Variants in GALNT13 observed in about 807,000 individuals in gnomAD.
GALNT13 encodes the protein polypeptide N-acetylgalactosaminyltransferase 13.
In GALNT13, 28 loss-of-function variants were observed where a neutral mutation model predicts 64.2. That is an observed-to-expected ratio of 0.44 (90% confidence interval 0.32 to 0.60). The LOEUF (loss-of-function observed/expected upper bound fraction) is 0.60. Ranked by LOEUF, GALNT13 falls within the 20% of genes least tolerant of loss-of-function variation. The probability of loss-of-function intolerance (pLI) is 0.05; values close to 1 mark genes in which losing one functional copy is unlikely to be tolerated. For missense variants in GALNT13, 577 were observed against 669.8 expected (o/e 0.86, Z 1.53); for synonymous variants, 214 against 224.6 (o/e 0.95, Z 0.42).
the GALNT13 span, among the ~76,000 whole-genome samples, chr2:153,509,165 CA>C: frequency 1.3e-5 from 2 of 152,190 alleles, no homozygotes; most frequent in African/African-American, 4.8e-5. Context: ...GGGGAGAGGC[CA>C]GGCAGCGGGA....
At chr2:153,876,787 T>C (rs548347633) in intron 1 of GALNT13, among the ~76,000 whole-genome samples, 26 of 152,300 alleles carry the variant, frequency 1.7e-4, no homozygotes, top group African/African-American at 6.0e-4. Context: ...TCTTTAGACT[T>C]ATACATTTAA....
the GALNT13 span, among the ~76,000 whole-genome samples, chr2:153,648,556 G>A: frequency 6.6e-6 from 1 of 152,094 alleles, no homozygotes; most frequent in Admixed American, 6.6e-5. Context: ...TTTTCAAAGG[G>A]AATGCTTCCA....
intron 3 of GALNT13, among the ~76,000 whole-genome samples, chr2:153,948,543 G>C (rs1183640302): frequency 6.6e-6 from 1 of 152,028 alleles, no homozygotes; most frequent in Non-Finnish European, 1.5e-5. Flanking sequence ...CTATTATAAA[G>C]AGACATCCAT....
rs574530099 is a variant in GALNT13 at position 154,348,689 on chromosome 2, T to G, written c.1156+47100T>G. On this transcript the variant is annotated intron_variant, in intron 9 of 12. Transcript: ENST00000392825. ...GTGCATCCCAGCAGGGGAATCTATT[T>G]GAGGAAGTCCCAATGTCATTTTATA... is the stretch of plus-strand genomic sequence containing the variant. 7.9e-4 allele frequency among the ~76,000 whole-genome samples: 120 copies of G among 152,136 alleles called. 1 individual carries two copies. Among genetic ancestry groups the G allele is most frequent in the African/African-American group, 2.7e-3 (113 of 41,514 alleles).
the GALNT13 span, among the ~76,000 whole-genome samples, chr2:153,517,992 C>T: frequency 6.6e-6 from 1 of 152,060 alleles, no homozygotes; most frequent in Admixed American, 6.6e-5. Flanking sequence ...GAGCAGGACA[C>T]AACATGATTT....
At chr2:153,659,382 T>C in the GALNT13 span, among the ~76,000 whole-genome samples, 1 of 152,096 alleles carries the variant, frequency 6.6e-6, no homozygotes, top group Non-Finnish European at 1.5e-5. Flanking sequence ...TAAGACCTCA[T>C]CATGGTAGAT....
the GALNT13 span, among the ~76,000 whole-genome samples, chr2:153,561,886 A>G: frequency 6.6e-6 from 1 of 152,096 alleles, no homozygotes; most frequent in African/African-American, 2.4e-5. Flanking sequence ...ATTAATGTGT[A>G]TTTTAGCAAC....
the GALNT13 span, among the ~76,000 whole-genome samples, chr2:153,738,443 A>G: frequency 2.6e-5 from 4 of 152,092 alleles, no homozygotes; most frequent in East Asian, 5.8e-4. Flanking sequence ...AACTTCTGAA[A>G]TGTTGCCTCC....
chr2:153,318,121 A>ACT, the GALNT13 span, among the ~76,000 whole-genome samples: 1 of 19,672 alleles, frequency 5.1e-5, no homozygotes, highest in African/African-American at 1.8e-4. Flanking sequence ...GTATTAGGAG[A>ACT]GTTTTTTTTT....
chr2:154,062,122 T>G (rs1412769218), intron 3 of GALNT13, among the ~76,000 whole-genome samples: 2 of 152,194 alleles, frequency 1.3e-5, no homozygotes. Context: ...TTTCTCTCTT[T>G]GCCTAACAGT....
the GALNT13 span, among the ~76,000 whole-genome samples, chr2:153,485,085 TAG>T: frequency 3.9e-5 from 6 of 152,246 alleles, no homozygotes; most frequent in African/African-American, 1.4e-4. Flanking sequence ...GTTAGTATTG[TAG>T]TGGACAAATT....
intron 3 of GALNT13, among the ~76,000 whole-genome samples, chr2:153,956,249 C>CA (rs1256895503): frequency 1.3e-5 from 2 of 151,870 alleles, no homozygotes; most frequent in African/African-American, 4.8e-5. Flanking sequence ...AAGGAGCTGA[C>CA]AAAAAAACTA....
the GALNT13 span, among the ~76,000 whole-genome samples, chr2:153,446,309 C>A: frequency 5.3e-5 from 8 of 152,108 alleles, no homozygotes; most frequent in Non-Finnish European, 1.0e-4. Flanking sequence ...CATAGTCCAC[C>A]AAGCTTTGAA....
chr2:153,448,986 G>A, the GALNT13 span, among the ~76,000 whole-genome samples: 1 of 152,040 alleles, frequency 6.6e-6, no homozygotes, highest in Non-Finnish European at 1.5e-5. Flanking sequence ...TGCACTTTCT[G>A]TCTTTCTGTC....
chr2:154,319,715 T>A (rs1490024977), intron 9 of GALNT13, among the ~76,000 whole-genome samples: 4 of 151,630 alleles, frequency 2.6e-5, no homozygotes, highest in Non-Finnish European at 5.9e-5. Context: ...TTAACTGAAA[T>A]GTTGCTTTGA....
At chr2:153,413,467 G>A in the GALNT13 span, among the ~76,000 whole-genome samples, 5 of 152,154 alleles carry the variant, frequency 3.3e-5, no homozygotes, top group African/African-American at 4.8e-5. Context: ...GTCCTTAAGC[G>A]GCATACAACT....
Position 153,944,431 on chromosome 2 carries a change from G to C in GALNT13, c.-67G>C. The C allele has an allele frequency of 6.9e-7, 1 of 1,458,252 alleles. No individual in the cohort carries two copies. Among genetic ancestry groups the C allele is most frequent in the Non-Finnish European group, 9.5e-7 (1 of 1,057,750 alleles). 90.3% of individuals were successfully genotyped at this position (1,458,252 alleles called of 1,614,324 possible). On this transcript the variant is annotated 5_prime_UTR_variant, in exon 3 of 13. Transcript: ENST00000392825. ...TGCTTTCATCTTGGAGTTCACCTGT[G>C]TGGCTTGGATTTATCACAGTAGCAT...
chr2:154,448,906 T>A (rs1404981517), intron 12 of GALNT13, among the ~76,000 whole-genome samples: 1 of 152,016 alleles, frequency 6.6e-6, no homozygotes, highest in Non-Finnish European at 1.5e-5. Context: ...TATGCAATGG[T>A]AAGTGATATT....
intron 4 of GALNT13, among the ~76,000 whole-genome samples, chr2:154,179,435 T>C (rs13433019): frequency 0.13 from 20,300 of 152,122 alleles, 1,361 homozygotes; most frequent in Middle Eastern, 0.18. Flanking sequence ...GCTGGTAAAT[T>C]ACATGTATGA....
Sources: allele counts gnomAD v4.1 joint callset (sites outside exome capture counted in the v4.1 genomes callset), GRCh38; gene constraint gnomAD v4.1.1; transcripts MANE v1.5; gene names NCBI Gene and HGNC (gene_info 2026-07-23, HGNC 2026-07-21).